Variants in AGBL1 observed in about 807,000 individuals in gnomAD.
AGBL1 encodes the protein AGBL carboxypeptidase 1, also known as cytosolic carboxypeptidase 4.
AGBL1 carries 130 observed loss-of-function variants against 118.9 expected under a neutral mutation model. The ratio of observed to expected loss-of-function variants is 1.09; its 90% CI spans 0.95 to 1.26. AGBL1 has a LOEUF of 1.26. AGBL1 is among the 50% of genes most tolerant of loss of function. AGBL1 has a pLI of 0.00. For missense variants in AGBL1, 1,584 were observed against 1,298.1 expected (o/e 1.22, Z -3.38); for synonymous variants, 555 against 478.9 (o/e 1.16, Z -2.08).
chr15:86,321,602 A>G (rs547131144), intron 17 of AGBL1, among the ~76,000 whole-genome samples: 6 of 151,078 alleles, frequency 4.0e-5, no homozygotes, highest in African/African-American at 7.3e-5. Context: ...AAACCCGTCT[A>G]TATTAAAAAT....
intron 18 of AGBL1, among the ~76,000 whole-genome samples, chr15:86,417,367 C>T (rs548401973): frequency 6.6e-6 from 1 of 152,320 alleles, no homozygotes; most frequent in South Asian, 2.1e-4. Context: ...GTAGTTTCTT[C>T]AATCACTTGT....
intron 24 of AGBL1, among the ~76,000 whole-genome samples, chr15:87,005,733 G>T (rs1433252210): frequency 1.3e-5 from 2 of 152,142 alleles, no homozygotes; most frequent in South Asian, 2.1e-4. Flanking sequence ...TTCGTTGCTG[G>T]TGAGGAGGTG....
intron 21 of AGBL1, among the ~76,000 whole-genome samples, chr15:86,635,659 A>G (rs1163927606): frequency 1.3e-5 from 2 of 152,056 alleles, no homozygotes; most frequent in Non-Finnish European, 2.9e-5. Context: ...TGGGGCCTTC[A>G]TCTAATAACA....
chr15:86,207,217 G>T (rs1053917319), intron 5 of AGBL1, among the ~76,000 whole-genome samples: 1 of 152,192 alleles, frequency 6.6e-6, no homozygotes, highest in Non-Finnish European at 1.5e-5. Flanking sequence ...ACTGTAGCTT[G>T]TAGTATAGTT....
intron 1 of AGBL1, among the ~76,000 whole-genome samples, chr15:86,119,771 G>C (rs74026786): frequency 0.042 from 6,371 of 152,154 alleles, 189 homozygotes; most frequent in African/African-American, 0.085. Context: ...AGTATCTCCT[G>C]GTTGTGGGGT....
At chr15:86,957,373 G>A (rs1313902305) in intron 23 of AGBL1, among the ~76,000 whole-genome samples, 2 of 151,984 alleles carry the variant, frequency 1.3e-5, no homozygotes, top group Admixed American at 6.6e-5. Context: ...AATAAAATAT[G>A]TAACATTTGG....
At chr15:86,364,950 A>G (rs998650292) in intron 17 of AGBL1, among the ~76,000 whole-genome samples, 12 of 91,410 alleles carry the variant, frequency 1.3e-4, no homozygotes, top group Admixed American at 6.0e-4. Context: ...ATTGATTTAT[A>G]TGTCACACAT....
At chr15:86,800,979 C>G (rs559415179) in intron 22 of AGBL1, among the ~76,000 whole-genome samples, 2 of 151,964 alleles carry the variant, frequency 1.3e-5, no homozygotes, top group South Asian at 2.1e-4. Context: ...TGTTAGGAAA[C>G]TTTTTTTTAA....
intron 22 of AGBL1, among the ~76,000 whole-genome samples, chr15:86,710,724 A>G (rs1301145431): frequency 4.6e-5 from 7 of 152,194 alleles, no homozygotes; most frequent in South Asian, 2.1e-4. Context: ...TCAAGTGGCA[A>G]TAGACAATGG....
rs1036418238 is a variant in AGBL1 at position 86,674,270 on chromosome 15, C to A, written c.2995-3C>A. ...CACAGTTAATGCTTTGTTTAACTGG[C>A]AGGGTCTACAGTTTGGTACCAGAGA... On this transcript the variant is annotated splice_region_variant and splice_polypyrimidine_tract_variant and intron_variant, in intron 21 of 22. Coordinates refer to ENST00000614907, the MANE Select transcript of AGBL1 (RefSeq NM_001386094.1). 1 of 1,606,250 alleles carries A rather than the reference C, an allele frequency of 6.2e-7. No homozygotes were observed. The highest frequency in any genetic ancestry group is 1.3e-5 in the African/African-American group (1 of 74,942).
chr15:86,321,382 C>T (rs1030371429), intron 17 of AGBL1, among the ~76,000 whole-genome samples: 1 of 152,038 alleles, frequency 6.6e-6, no homozygotes, highest in Non-Finnish European at 1.5e-5. Context: ...TTAACCTTGA[C>T]TGTAAGCTGT....
intron 1 of AGBL1, among the ~76,000 whole-genome samples, chr15:86,097,361 A>G (rs1055061801): frequency 1.3e-5 from 2 of 152,092 alleles, no homozygotes; most frequent in African/African-American, 4.8e-5. Flanking sequence ...TATACAATAC[A>G]TTGTTGTTAA....
chr15:86,215,217 ATGTATGCGTGTGTG>A (rs917486095), intron 5 of AGBL1, among the ~76,000 whole-genome samples: 19 of 128,280 alleles, frequency 1.5e-4, no homozygotes, highest in African/African-American at 5.4e-4. Flanking sequence ...GTGAGTGTAT[ATGTATGCGTGTGTG>A]TGTGTGTGTG....
intron 23 of AGBL1, among the ~76,000 whole-genome samples, chr15:86,949,081 C>T (rs941907504): frequency 3.1e-4 from 47 of 151,306 alleles, no homozygotes; most frequent in Admixed American, 1.4e-3. Flanking sequence ...GAAAAAGTCA[C>T]GTAAAAGTTC....
intron 21 of AGBL1, among the ~76,000 whole-genome samples, chr15:86,645,553 G>C (rs982202839): frequency 6.6e-5 from 10 of 152,172 alleles, no homozygotes; most frequent in Non-Finnish European, 1.0e-4. Flanking sequence ...TGATGACTCT[G>C]TGATCTAGGT....
intron 21 of AGBL1, among the ~76,000 whole-genome samples, chr15:86,575,374 C>T (rs893580283): frequency 1.3e-5 from 2 of 150,992 alleles, no homozygotes; most frequent in African/African-American, 4.9e-5. Flanking sequence ...GTTGGACCCA[C>T]CTGAGGTTTT....
At chr15:86,959,945 G>A (rs530809105) in intron 23 of AGBL1, among the ~76,000 whole-genome samples, 4 of 152,052 alleles carry the variant, frequency 2.6e-5, no homozygotes, top group Non-Finnish European at 5.9e-5. Context: ...CAGGGGAAAT[G>A]GGATTAGCTC....
chr15:86,989,703 TG>T (rs2081319769), intron 24 of AGBL1, among the ~76,000 whole-genome samples: 1 of 152,212 alleles, frequency 6.6e-6, no homozygotes, highest in African/African-American at 2.4e-5. Flanking sequence ...CATATGACAA[TG>T]TTTTGAATAA....
chr15:86,616,083 TCC>T, intron 21 of AGBL1, among the ~76,000 whole-genome samples: 1 of 152,184 alleles, frequency 6.6e-6, no homozygotes, highest in Non-Finnish European at 1.5e-5. Flanking sequence ...ACCCCTGTAA[TCC>T]CAGCGCTTTG....
Sources: allele counts gnomAD v4.1 joint callset (sites outside exome capture counted in the v4.1 genomes callset), GRCh38; gene constraint gnomAD v4.1.1; transcripts MANE v1.5; gene names NCBI Gene and HGNC (gene_info 2026-07-23, HGNC 2026-07-21).